RTTN: variants seen among roughly 807,000 people sequenced by gnomAD.
The protein encoded by RTTN is rotatin.
Under a neutral mutation model 269.2 loss-of-function variants are expected in RTTN, and 182 were observed. The observed-to-expected ratio is 0.68, with a 90% CI of 0.60 to 0.76. The LOEUF (loss-of-function observed/expected upper bound fraction) is 0.76. Ranked by LOEUF, RTTN falls within the 30% of genes least tolerant of loss-of-function variation. RTTN has a pLI of 0.00. For missense variants in RTTN, 2,545 were observed against 2,608.6 expected (o/e 0.98, Z 0.53); for synonymous variants, 1,006 against 963.5 (o/e 1.04, Z -0.82).
At chr18:70,043,379 T>C (rs1042558941) in intron 40 of RTTN, among the ~76,000 whole-genome samples, 21 of 152,154 alleles carry the variant, frequency 1.4e-4, no homozygotes, top group African/African-American at 5.1e-4. Context: ...CTAATTGGCA[T>C]TATGGTATAT....
chr18:70,035,434 A>G (rs1451786958), intron 40 of RTTN, among the ~76,000 whole-genome samples: 1 of 152,236 alleles, frequency 6.6e-6, no homozygotes, highest in East Asian at 1.9e-4. Flanking sequence ...GACCTTAGAC[A>G]AACCTGACAA....
At chr18:70,112,399 T>G (rs2059492078) in intron 27 of RTTN, among the ~76,000 whole-genome samples, 1 of 144,716 alleles carries the variant, frequency 6.9e-6, no homozygotes, top group South Asian at 2.2e-4. Context: ...GTGTGCTATA[T>G]TCAGGAGACC....
At chr18:70,005,965 C>T (rs181978722) in intron 47 of RTTN, 3 of 157,314 alleles carry the variant, frequency 1.9e-5, no homozygotes, top group Non-Finnish European at 2.8e-5. Flanking sequence ...TTTCTCAGAG[C>T]AGGCTTTGGG....
intron 40 of RTTN, among the ~76,000 whole-genome samples, chr18:70,044,454 C>T (rs1157362472): frequency 1.3e-5 from 2 of 152,106 alleles, no homozygotes; most frequent in Non-Finnish European, 2.9e-5. Context: ...ATATTGAGCA[C>T]AGTAGGCCCC....
Position 70,205,310 on chromosome 18 carries a change from G to T in RTTN, c.37C>A (p.Gln13Lys). The T allele has an allele frequency of 6.2e-7, 1 of 1,614,168 alleles. No individual in the cohort carries two copies. The highest frequency in any genetic ancestry group is 8.5e-7 in the Non-Finnish European group (1 of 1,180,020). Residue 13 changes from glutamine to lysine, a missense_variant, in exon 2 of 49, where the codon CAG becomes AAG. Physicochemically the swap from Gln to Lys is moderately conservative, Grantham distance 53. Coordinates refer to ENST00000640769, the MANE Select transcript of RTTN (RefSeq NM_173630.4). ...GCGCGCTCCCTGATCTCGGCCAGCT[G>T]ATGACCTGTCAACGAACGGCACAAA... ...LAGLIRKLGHQLAEIRERALK... is the reference protein window; with the variant it reads ...LAGLIRKLGHKLAEIRERALK...
chr18:70,156,530 T>G (rs2060680681), intron 14 of RTTN, among the ~76,000 whole-genome samples: 2 of 152,154 alleles, frequency 1.3e-5, no homozygotes, highest in Admixed American at 1.3e-4. Flanking sequence ...CCTTGTGATA[T>G]TCTATTACCT....
intron 27 of RTTN, 31 bp from the exon 28 acceptor site, chr18:70,109,748 C>T: frequency 1.3e-6 from 2 of 1,575,474 alleles, no homozygotes; most frequent in Non-Finnish European, 1.7e-6. Context: ...AAATCAACCA[C>T]CAAGAAAGTA....
rs1306232776 is a variant in RTTN, at chr18:70,176,047, A to C, written c.1476+628T>G. Reference sequence around the variant, plus strand: ...GCCCTCCAATCAATTAAAAGATACAAGTGTACCAATTATATATGTATATAT... The same window carrying C: ...GCCCTCCAATCAATTAAAAGATACACGTGTACCAATTATATATGTATATAT... On this transcript the variant is annotated intron_variant, in intron 11 of 48. Transcript: ENST00000640769. Among the ~76,000 whole-genome samples, 3 of 152,112 alleles carry C rather than the reference A, an allele frequency of 2.0e-5. No homozygotes were observed. The East Asian group carries it at 5.8e-4, about 29-fold the overall frequency.
At chr18:70,184,728 G>GTGTGTGTA (rs2061503904) in intron 10 of RTTN, among the ~76,000 whole-genome samples, 1 of 53,152 alleles carries the variant, frequency 1.9e-5, no homozygotes, top group Non-Finnish European at 4.7e-5. Flanking sequence ...GTGTGTGTGT[G>GTGTGTGTA]TGTGTGTGTG....
Position 70,092,783 on chromosome 18 carries a change from C to T in RTTN, c.3925G>A (p.Glu1309Lys). ...AAGGACATAGCATTTCCTCCACGCT[C>T]CACATAAAAAGAAGTAATGACCTGA... The part of the protein sequence containing the change: ...LLEVITSFYV[E>K]RGGNAMSFMG... The change falls in exon 29 of 49, where the codon GAG becomes AAG. Residue 1309 changes from glutamate to lysine, a missense_variant. Coordinates refer to ENST00000640769, the MANE Select transcript of RTTN (RefSeq NM_173630.4). 6.2e-7 allele frequency: 1 copy of T among 1,609,178 alleles called. No homozygotes were observed. Among genetic ancestry groups the T allele is most frequent in the East Asian group, 2.2e-5 (1 of 44,738 alleles).
chr18:70,102,517 CTT>C (rs1469242990), intron 28 of RTTN, among the ~76,000 whole-genome samples: 9 of 152,130 alleles, frequency 5.9e-5, no homozygotes, highest in Non-Finnish European at 1.5e-5. Context: ...GGTCTTGACT[CTT>C]TATCCAACTT....
chr18:70,141,533 A>G lies in RTTN; in HGVS notation c.2581+755T>C, dbSNP rs532795689. Among the ~76,000 whole-genome samples, 10 of 152,308 alleles carry G rather than the reference A, an allele frequency of 6.6e-5. No individual in the cohort carries two copies. The East Asian group carries it at 1.9e-3, about 29-fold the overall frequency. The stretch of plus-strand genomic sequence containing the variant: ...CAAACTATCACAAAGACAGAAAACC[A>G]AACACCGCATGTTCTCACTCACAGG... On this transcript the variant is annotated intron_variant, in intron 19 of 48. Coordinates refer to ENST00000640769, the MANE Select transcript of RTTN (RefSeq NM_173630.4).
chr18:70,056,343 G>A (rs1411525216), intron 37 of RTTN, among the ~76,000 whole-genome samples: 1 of 152,166 alleles, frequency 6.6e-6, no homozygotes, highest in East Asian at 1.9e-4. Context: ...ATCTATGTCA[G>A]AGACCTTGGA....
intron 45 of RTTN, among the ~76,000 whole-genome samples, chr18:70,018,231 T>G (rs913445057): frequency 6.6e-6 from 1 of 152,218 alleles, no homozygotes; most frequent in African/African-American, 2.4e-5. Context: ...GTCATTCTAT[T>G]ATGCTTACAG....
chr18:70,127,421 C>CT (rs1288582954), intron 25 of RTTN, 81 bp downstream of exon 25: 2 of 1,504,270 alleles, frequency 1.3e-6, no homozygotes, highest in African/African-American at 2.8e-5. Flanking sequence ...GGCATAGACT[C>CT]TTATCTTCAA....
At chr18:70,099,200 A>G (rs1310575798) in intron 28 of RTTN, among the ~76,000 whole-genome samples, 2 of 152,230 alleles carry the variant, frequency 1.3e-5, no homozygotes, top group East Asian at 3.8e-4. Flanking sequence ...ACTAGTTTAC[A>G]GTTCCACCAA....
chr18:70,038,025 C>T (rs2057228614), intron 40 of RTTN, among the ~76,000 whole-genome samples: 2 of 151,956 alleles, frequency 1.3e-5, no homozygotes, highest in African/African-American at 4.8e-5. Context: ...GTCTCCTTTT[C>T]CTGTGGAAAG....
chr18:70,016,449 C>T (rs753106898), intron 46 of RTTN, among the ~76,000 whole-genome samples: 2 of 152,164 alleles, frequency 1.3e-5, no homozygotes, highest in Non-Finnish European at 2.9e-5. Context: ...CCCAGCGAGG[C>T]TGCACCAGGC....
Position 70,193,349 on chromosome 18 carries a change from C to T in RTTN, c.946G>A (p.Val316Ile), listed in dbSNP as rs1273339233. 1 of 1,610,592 alleles carries T rather than the reference C, an allele frequency of 6.2e-7. No homozygotes were observed. Among genetic ancestry groups the T allele is most frequent in the African/African-American group, 1.3e-5 (1 of 74,540 alleles). ...CTGGGTCGCTGGCCTGTGCGCCCAA[C>T]CACAGAAGGCCGAGGGCTGCTGCTT... is the stretch of plus-strand genomic sequence containing the variant. ...PGSSSPRPSVVGRTGQRPRGD... is the reference protein window; with the variant it reads ...PGSSSPRPSVIGRTGQRPRGD... The change falls in exon 8 of 49, where the codon GTT becomes ATT. Residue 316 changes from valine to isoleucine, a missense_variant. By Grantham distance (29) the Val-to-Ile change is conservative. Coordinates refer to ENST00000640769, the MANE Select transcript of RTTN (RefSeq NM_173630.4).
Sources: gnomAD v4.1 joint callset for allele counts (sites outside exome capture counted in the v4.1 genomes callset) on GRCh38, gnomAD v4.1.1 for gene constraint, MANE v1.5 for transcripts, NCBI Gene and HGNC (gene_info 2026-07-23, HGNC 2026-07-21) for gene names.